The following ZFAND3 variants were observed in gnomAD, a reference collection of about 807,000 sequenced individuals.
ZFAND3 encodes zinc finger AN1-type containing 3, also known as AN1-type zinc finger protein 3.
ZFAND3 carries 10 observed loss-of-function variants against 29.6 expected under a neutral mutation model. The observed-to-expected ratio is 0.34, with a 90% CI of 0.21 to 0.57. The LOEUF (loss-of-function observed/expected upper bound fraction) is 0.57, where lower values mean the gene tolerates loss of function less well. Among genes scored for constraint, ZFAND3 ranks in the 20% least tolerant of loss-of-function variants. The pLI is 0.86. For missense variants in ZFAND3, 230 were observed against 304.5 expected (o/e 0.76, Z 1.82); for synonymous variants, 128 against 112.6 (o/e 1.14, Z -0.87).
At chr6:37,891,887 C>A (rs887165241) in intron 1 of ZFAND3, among the ~76,000 whole-genome samples, 5 of 151,998 alleles carry the variant, frequency 3.3e-5, no homozygotes, top group Admixed American at 6.6e-5. Context: ...TGCTGCCATA[C>A]CCTGCTAATT....
At chr6:38,040,875 G>A (rs994043675) in intron 2 of ZFAND3, among the ~76,000 whole-genome samples, 3 of 152,144 alleles carry the variant, frequency 2.0e-5, no homozygotes, top group African/African-American at 4.8e-5. Context: ...ATAAACTTCT[G>A]TTATCTGATC....
intron 1 of ZFAND3, among the ~76,000 whole-genome samples, chr6:37,913,786 C>T (rs1172633963): frequency 6.8e-6 from 1 of 147,462 alleles, no homozygotes; most frequent in African/African-American, 2.5e-5. Context: ...TCTTGACTCA[C>T]TGCAACCTCC....
chr6:38,020,560 G>A (rs1185362228), intron 2 of ZFAND3, among the ~76,000 whole-genome samples: 1 of 152,160 alleles, frequency 6.6e-6, no homozygotes, highest in African/African-American at 2.4e-5. Context: ...TTGTGTTAAA[G>A]CAAGACAACT....
chr6:38,113,843 G>T (rs931969861), intron 4 of ZFAND3, among the ~76,000 whole-genome samples: 1 of 152,088 alleles, frequency 6.6e-6, no homozygotes, highest in Non-Finnish European at 1.5e-5. Flanking sequence ...TCTTCTCCTT[G>T]CAGGAAAGGT....
chr6:37,836,568 T>C (rs934949798), intron 1 of ZFAND3, among the ~76,000 whole-genome samples: 3 of 152,190 alleles, frequency 2.0e-5, no homozygotes, highest in African/African-American at 7.2e-5. Context: ...ACTTGAGTAA[T>C]GCTTTTAAAG....
chr6:38,128,500 CT>C (rs1765679759), intron 5 of ZFAND3, among the ~76,000 whole-genome samples: 1 of 152,186 alleles, frequency 6.6e-6, no homozygotes, highest in Non-Finnish European at 1.5e-5. Context: ...CCCTTTCCCC[CT>C]GAGTCTCCAA....
intron 2 of ZFAND3, among the ~76,000 whole-genome samples, chr6:38,050,151 C>T (rs987268653): frequency 1.4e-4 from 21 of 151,790 alleles, no homozygotes; most frequent in South Asian, 4.2e-4. Flanking sequence ...GATAGGGTTT[C>T]ACCGTGTTGC....
chr6:37,968,537 A>C (rs962913484), intron 2 of ZFAND3, among the ~76,000 whole-genome samples: 1 of 152,058 alleles, frequency 6.6e-6, no homozygotes, highest in African/African-American at 2.4e-5. Flanking sequence ...ATAAGCAGTA[A>C]GGATGGCTAG....
chr6:37,903,119 T>G (rs1227706613), intron 1 of ZFAND3, among the ~76,000 whole-genome samples: 1 of 152,176 alleles, frequency 6.6e-6, no homozygotes, highest in Non-Finnish European at 1.5e-5. Flanking sequence ...GAGTCTTTAT[T>G]GGTACATAAT....
intron 1 of ZFAND3, among the ~76,000 whole-genome samples, chr6:37,846,923 G>A (rs1581705190): frequency 6.6e-6 from 1 of 152,130 alleles, no homozygotes; most frequent in East Asian, 1.9e-4. Flanking sequence ...ATGTTAGCCA[G>A]GATGGTCTTA....
chr6:37,995,564 TA>T (rs1762835892), intron 2 of ZFAND3, among the ~76,000 whole-genome samples: 1 of 152,178 alleles, frequency 6.6e-6, no homozygotes. Context: ...GCAGTGGGAA[TA>T]AAAAATGTTT....
intron 4 of ZFAND3, among the ~76,000 whole-genome samples, chr6:38,102,160 T>C (rs549178748): frequency 6.6e-6 from 1 of 152,226 alleles, no homozygotes; most frequent in South Asian, 2.1e-4. Context: ...TTCTTCTTCT[T>C]CATCTTCATC....
chr6:37,875,141 T>C (rs1159050396), intron 1 of ZFAND3, among the ~76,000 whole-genome samples: 1 of 152,242 alleles, frequency 6.6e-6, no homozygotes, highest in East Asian at 1.9e-4. Flanking sequence ...TAGGATTATG[T>C]CTTCTCAGAC....
intron 2 of ZFAND3, among the ~76,000 whole-genome samples, chr6:37,934,880 A>G (rs1310232460): frequency 4.7e-5 from 7 of 149,790 alleles, no homozygotes; most frequent in African/African-American, 1.7e-4. Flanking sequence ...AGTTAATCTT[A>G]CCATACTATA....
intron 1 of ZFAND3, among the ~76,000 whole-genome samples, chr6:37,828,897 G>A (rs895958874): frequency 4.6e-5 from 7 of 152,132 alleles, no homozygotes; most frequent in East Asian, 1.9e-4. Context: ...TGATCCGCCC[G>A]CCTCGGCCTC....
At chr6:37,971,418 G>A (rs1490813190) in intron 2 of ZFAND3, among the ~76,000 whole-genome samples, 1 of 152,108 alleles carries the variant, frequency 6.6e-6, no homozygotes, top group African/African-American at 2.4e-5. Flanking sequence ...AATAGTATTA[G>A]GAACACATTG....
chr6:37,930,075 A>G, intron 2 of ZFAND3, 76 bp downstream of exon 2: 3 of 1,390,252 alleles, frequency 2.2e-6, no homozygotes, highest in Non-Finnish European at 2.9e-6. Flanking sequence ...TTTTAAGACT[A>G]AATCATTTGA....
chr6:37,876,512 C>T (rs1311079106), intron 1 of ZFAND3, among the ~76,000 whole-genome samples: 1 of 152,020 alleles, frequency 6.6e-6, no homozygotes, highest in Admixed American at 6.5e-5. Context: ...AAGAAAGAGC[C>T]CCTACTGTTG....
At chr6:37,837,630 G>A (rs1763993618) in intron 1 of ZFAND3, among the ~76,000 whole-genome samples, 1 of 151,494 alleles carries the variant, frequency 6.6e-6, no homozygotes, top group Non-Finnish European at 1.5e-5. Flanking sequence ...TCAGCCTCCC[G>A]AGCAGCTGGG....
Sources: allele counts gnomAD v4.1 joint callset (sites outside exome capture counted in the v4.1 genomes callset), GRCh38; gene constraint gnomAD v4.1.1; transcripts MANE v1.5; gene names NCBI Gene and HGNC (gene_info 2026-07-23, HGNC 2026-07-21).